Variants in GNAL observed in about 807,000 individuals in gnomAD.
GNAL encodes the protein G protein subunit alpha L.
In GNAL, 18 loss-of-function variants were observed where a neutral mutation model predicts 55.1. The observed-to-expected ratio is 0.33, with a 90% CI of 0.23 to 0.48. GNAL has a LOEUF of 0.48. GNAL is among the 20% of genes least tolerant of loss of function. GNAL has a pLI of 0.99. For missense variants in GNAL, 412 were observed against 614.1 expected, an observed-to-expected ratio of 0.67 and a Z score of 3.48; for synonymous variants, 253 against 237.0, an observed-to-expected ratio of 1.07 and a Z score of -0.62.
At position 11,752,218 on chromosome 18, in the gene GNAL, C is replaced by T. The variant is rs1446221809; in HGVS notation, c.377-635C>T. On this transcript the variant is annotated intron_variant, in intron 1 of 11. Coordinates refer to ENST00000334049, the MANE Select transcript of GNAL (RefSeq NM_182978.4). The surrounding 1 kb of genome is among the most constrained non-coding windows in gnomAD (Gnocchi z 4.5). ...TCGTGTAAAAAGGCATTTTACTCCG[C>T]GCGTCTTCCTTACAGCCATTTAGTT... is the stretch of plus-strand genomic sequence containing the variant. The T allele has an allele frequency of 1.6e-5, 14 of 858,012 alleles. No homozygotes were observed. The highest frequency in any genetic ancestry group is 2.1e-5 in the Non-Finnish European group (13 of 616,364). 53.1% of individuals were successfully genotyped at this position (858,012 alleles called of 1,614,324 possible). A position where few individuals can be genotyped will look rare whatever the true frequency, so the allele number is the denominator to read the frequency against.
chr18:11,885,473 C>G lies in GNAL; in HGVS notation c.*4338C>G. 1.6e-6 allele frequency: 1 copy of G among 628,082 alleles called. No individual in the cohort carries two copies. Among genetic ancestry groups the G allele is most frequent in the Non-Finnish European group, 2.7e-6 (1 of 366,036 alleles). The allele number at this position is 628,082 out of a possible 1,614,324, so 38.9% of individuals were successfully genotyped here. ...GACGGTGCCCTGCCCTCGCTTCTCA[C>G]ATTAACTGCCCAGGAATGTCATGCT... On this transcript the variant is annotated 3_prime_UTR_variant, in exon 12 of 12. Transcript: ENST00000334049.
At chr18:11,860,818 C>G (rs186112230) in intron 5 of GNAL, among the ~76,000 whole-genome samples, 1 of 152,134 alleles carries the variant, frequency 6.6e-6, no homozygotes, top group Non-Finnish European at 1.5e-5. Flanking sequence ...AGGGCAGGCA[C>G]GTTTCTTAGG....
At chr18:11,694,962 G>A (rs1214685554) in intron 1 of GNAL, among the ~76,000 whole-genome samples, 1 of 151,960 alleles carries the variant, frequency 6.6e-6, no homozygotes, top group Admixed American at 6.6e-5. Context: ...CTCTTCTTAC[G>A]AGGACACTGC....
intron 11 of GNAL, among the ~76,000 whole-genome samples, chr18:11,877,865 A>T (rs632464): frequency 0.22 from 32,862 of 152,134 alleles, 4,450 homozygotes; most frequent in Middle Eastern, 0.32. Context: ...AGAGGACAAG[A>T]GTTCCCCCAG....
At chr18:11,794,589 G>C (rs2034326157) in intron 4 of GNAL, among the ~76,000 whole-genome samples, 1 of 152,064 alleles carries the variant, frequency 6.6e-6, no homozygotes, top group Admixed American at 6.6e-5. Flanking sequence ...GAGGGAATGA[G>C]GAGTGACCAC....
Position 11,883,642 on chromosome 18 carries a change from A to T in GNAL, c.*2507A>T. On this transcript the variant is annotated 3_prime_UTR_variant, in exon 12 of 12. Coordinates refer to ENST00000334049, the MANE Select transcript of GNAL (RefSeq NM_182978.4). ...AAAATCTGATTCCATTAATTGATCAAGTATAAAAATCTACGAAAACAATAT... is the reference window on the plus strand; with the variant it reads ...AAAATCTGATTCCATTAATTGATCATGTATAAAAATCTACGAAAACAATAT... 1 of 153,370 alleles carries T rather than the reference A, an allele frequency of 6.5e-6. No homozygotes were observed. The allele number at this position is 153,370 out of a possible 1,614,324, so 9.5% of individuals were successfully genotyped here.
At chr18:11,767,180 C>G (rs575522799) in intron 4 of GNAL, among the ~76,000 whole-genome samples, 91 of 151,534 alleles carry the variant, frequency 6.0e-4, no homozygotes, top group African/African-American at 2.1e-3. Flanking sequence ...CACTTGCTCT[C>G]TGTGTGCCTT....
intron 4 of GNAL, among the ~76,000 whole-genome samples, chr18:11,775,804 T>C (rs902247522): frequency 1.3e-5 from 2 of 152,196 alleles, no homozygotes; most frequent in African/African-American, 4.8e-5. Context: ...GTGTTTTCAT[T>C]TCGTAAGAAG....
At chr18:11,705,610 C>T (rs1164075414) in intron 1 of GNAL, among the ~76,000 whole-genome samples, 1 of 152,004 alleles carries the variant, frequency 6.6e-6, no homozygotes, top group East Asian at 1.9e-4. Flanking sequence ...GCATCTTTGC[C>T]GACACTTGCT....
chr18:11,852,323 G>T (rs1361381702), intron 5 of GNAL: 6 of 576,344 alleles, frequency 1.0e-5, no homozygotes, highest in Non-Finnish European at 9.2e-6. Context: ...AGCTCGTAAT[G>T]ATGGTATTTT....
intron 11 of GNAL, among the ~76,000 whole-genome samples, chr18:11,877,090 C>CT (rs1447326194): frequency 2.6e-5 from 4 of 152,128 alleles, no homozygotes; most frequent in Non-Finnish European, 5.9e-5. Context: ...CAGATATTTA[C>CT]TTTTTTTTCT....
intron 4 of GNAL, among the ~76,000 whole-genome samples, chr18:11,774,260 A>G (rs1310687624): frequency 6.6e-6 from 1 of 152,208 alleles, no homozygotes; most frequent in Admixed American, 6.5e-5. Context: ...ATTAAGAGTC[A>G]GGCTGTGGTG....
chr18:11,738,265 G>A (rs934735156), intron 1 of GNAL, among the ~76,000 whole-genome samples: 7 of 152,256 alleles, frequency 4.6e-5, no homozygotes, highest in South Asian at 2.1e-4. Flanking sequence ...CTCCTCCAGC[G>A]TTTAGGCTCC....
intron 4 of GNAL, among the ~76,000 whole-genome samples, chr18:11,810,100 A>G (rs1165634206): frequency 6.6e-6 from 1 of 152,230 alleles, no homozygotes; most frequent in Admixed American, 6.5e-5. Context: ...CAATAGAACA[A>G]AAACCCTTGG....
At chr18:11,861,093 A>G (rs866329551) in intron 5 of GNAL, among the ~76,000 whole-genome samples, 15 of 152,302 alleles carry the variant, frequency 9.8e-5, no homozygotes, top group African/African-American at 3.6e-4. Context: ...TCATGGGCAC[A>G]TGTCTGCTGC....
At chr18:11,731,225 GA>G (rs2032332682) in intron 1 of GNAL, among the ~76,000 whole-genome samples, 2 of 152,222 alleles carry the variant, frequency 1.3e-5, no homozygotes, top group African/African-American at 4.8e-5. Flanking sequence ...TCAGCTCACT[GA>G]AACCTCCGCC....
intron 4 of GNAL, among the ~76,000 whole-genome samples, chr18:11,794,856 T>A (rs1256073411): frequency 1.3e-5 from 2 of 152,002 alleles, no homozygotes; most frequent in African/African-American, 4.8e-5. Flanking sequence ...TTGTTTGTTG[T>A]TTTTGAGACA....
At chr18:11,836,394 C>T (rs536618454) in intron 5 of GNAL, among the ~76,000 whole-genome samples, 24 of 151,242 alleles carry the variant, frequency 1.6e-4, no homozygotes, top group Admixed American at 9.2e-4. Flanking sequence ...TGTGGTGAGC[C>T]GAGATCACAC....
At chr18:11,807,850 C>T (rs2034705484) in intron 4 of GNAL, among the ~76,000 whole-genome samples, 1 of 152,022 alleles carries the variant, frequency 6.6e-6, no homozygotes. Flanking sequence ...GCAAAAGTGG[C>T]CATGATGTCT....
Sources: allele counts gnomAD v4.1 joint callset (sites outside exome capture counted in the v4.1 genomes callset), GRCh38; gene constraint gnomAD v4.1.1; non-coding constraint Gnocchi (gnomAD v3.1); transcripts MANE v1.5; gene names NCBI Gene and HGNC (gene_info 2026-07-23, HGNC 2026-07-21).